PIGS: variants seen among roughly 807,000 people sequenced by gnomAD.
PIGS encodes GPI-anchor transamidase component PIGS.
PIGS carries 37 observed loss-of-function variants against 58.2 expected under a neutral mutation model. That is an observed-to-expected ratio of 0.64 (90% CI 0.49 to 0.84). The LOEUF (loss-of-function observed/expected upper bound fraction) is 0.84, where lower values mean the gene tolerates loss of function less well. PIGS is among the 40% of genes least tolerant of loss of function. The pLI is 0.00. For missense variants in PIGS, 629 were observed against 710.8 expected (o/e 0.88, Z 1.31); for synonymous variants, 269 against 289.2 (o/e 0.93, Z 0.71).
At chr17:28,555,209 G>A in intron 10 of PIGS, 148 bp from the exon 11 acceptor site, 2 of 700,110 alleles carry the variant, frequency 2.9e-6, no homozygotes, top group South Asian at 1.9e-5. Context: ...CAGGGTCTTG[G>A]GGGCATAAGG....
In PIGS at chr17:28,563,852, A is replaced by G; in HGVS notation, c.342T>C (p.His114=). The G allele has an allele frequency of 2.5e-6, 4 of 1,614,036 alleles. No homozygotes were observed. The highest frequency in any genetic ancestry group is 3.3e-4 in the Middle Eastern group (2 of 6,060). Residue 114 remains histidine, a synonymous_variant, in exon 4 of 12, where the codon CAT becomes CAC. Coordinates refer to ENST00000308360, the MANE Select transcript of PIGS (RefSeq NM_033198.4). Reference sequence around the variant, plus strand: ...TGCCCGATGACAGGGCCTCCTCCTCATGGTCCAAAGCCCTCCGATAGGCCT... The same window carrying G: ...TGCCCGATGACAGGGCCTCCTCCTCGTGGTCCAAAGCCCTCCGATAGGCCT... ...FQKAYRRALD[H]EEEALSSGSV...
At chr17:28,563,154 T>G (rs1438668316) in intron 5 of PIGS, among the ~76,000 whole-genome samples, 3 of 152,120 alleles carry the variant, frequency 2.0e-5, no homozygotes, top group South Asian at 4.1e-4. Flanking sequence ...AAAAATACAT[T>G]ACATGGCACA....
At chr17:28,558,626 A>G (rs1305048955) in intron 7 of PIGS, 36 bp from the exon 8 acceptor site, 1 of 1,471,470 alleles carries the variant, frequency 6.8e-7, no homozygotes, top group Non-Finnish European at 9.4e-7. Context: ...CTTTGTTTAG[A>G]TTTATATTCT....
intron 3 of PIGS, among the ~76,000 whole-genome samples, chr17:28,567,458 G>A (rs2070400726): frequency 6.6e-6 from 1 of 152,178 alleles, no homozygotes; most frequent in African/African-American, 2.4e-5. Flanking sequence ...GAAATGTATG[G>A]GGGTAGGGTG....
chr17:28,561,197 G>A (rs2070361945), intron 6 of PIGS, among the ~76,000 whole-genome samples: 1 of 152,072 alleles, frequency 6.6e-6, no homozygotes, highest in African/African-American at 2.4e-5. Context: ...GGCGGAGCTT[G>A]CAGTGAGCCG....
intron 1 of PIGS, 86 bp from the exon 2 acceptor site, chr17:28,571,274 G>T (rs1305973309): frequency 6.5e-7 from 1 of 1,543,394 alleles, no homozygotes; most frequent in African/African-American, 1.4e-5. Flanking sequence ...CCAACCACCG[G>T]CCTCCAGGGG....
intron 3 of PIGS, among the ~76,000 whole-genome samples, chr17:28,565,654 C>T (rs2070389681): frequency 6.6e-6 from 1 of 152,064 alleles, no homozygotes; most frequent in Non-Finnish European, 1.5e-5. Context: ...CTTTAGGGTC[C>T]GAGGTGGGAA....
At chr17:28,564,054 T>A in intron 3 of PIGS, 147 bp from the exon 4 acceptor site, 1 of 661,678 alleles carries the variant, frequency 1.5e-6, no homozygotes, top group Non-Finnish European at 2.6e-6. Flanking sequence ...CTCTAATGAT[T>A]TCTGCATAGA....
intron 9 of PIGS, 46 bp downstream of exon 9, chr17:28,556,781 T>C (rs2070331693): frequency 6.3e-7 from 1 of 1,581,028 alleles, no homozygotes; most frequent in Non-Finnish European, 8.6e-7. Context: ...GACACCTGCC[T>C]GTCCCAGAAG....
intron 4 of PIGS, 93 bp downstream of exon 4, chr17:28,563,725 G>A: frequency 1.4e-6 from 2 of 1,391,200 alleles, no homozygotes; most frequent in South Asian, 2.4e-5. Context: ...GAGAGGTTTT[G>A]GAAGTAAGCC....
At position 28,560,197 on chromosome 17, in the gene PIGS, G is replaced by A; in HGVS notation, c.677-6C>T. Reference sequence around the variant, plus strand: ...ACTGAAGGTGATCTCATAGCCTACAGAAACAGGAGTCAGGGAAGTCAGAGG... The same window carrying A: ...ACTGAAGGTGATCTCATAGCCTACAAAAACAGGAGTCAGGGAAGTCAGAGG... On this transcript the variant is annotated splice_region_variant and splice_polypyrimidine_tract_variant and intron_variant, in intron 6 of 11. Coordinates refer to ENST00000308360, the MANE Select transcript of PIGS (RefSeq NM_033198.4). 1.9e-6 allele frequency: 3 copies of A among 1,609,802 alleles called. No individual in the cohort carries two copies. The highest frequency in any genetic ancestry group is 1.7e-6 in the Non-Finnish European group (2 of 1,178,434).
intron 3 of PIGS, among the ~76,000 whole-genome samples, chr17:28,569,750 C>T (rs1375133800): frequency 6.6e-6 from 1 of 152,228 alleles, no homozygotes; most frequent in African/African-American, 2.4e-5. Context: ...CCATCTCTTA[C>T]TAGCTGTGTG....
chr17:28,565,808 C>T (rs2070390667), intron 3 of PIGS, among the ~76,000 whole-genome samples: 10 of 152,144 alleles, frequency 6.6e-5, no homozygotes, highest in Admixed American at 6.5e-4. Context: ...GACAGGCGGA[C>T]TGCTCGAGGC....
At chr17:28,563,337 G>T in intron 5 of PIGS, 94 bp downstream of exon 5, 1 of 1,114,922 alleles carries the variant, frequency 9.0e-7, no homozygotes, top group Non-Finnish European at 1.3e-6. Flanking sequence ...GTAGCAAATG[G>T]AAGAAATGGG....
In PIGS at chr17:28,571,480, GC is replaced by G; in HGVS notation, c.16del (p.Ala6LeufsTer6). On this transcript the variant is annotated frameshift_variant, in exon 1 of 12. Transcript: ENST00000308360. LOFTEE classifies it high-confidence loss of function. MAAAG[A>X]AATHLEVARG... is the part of the protein sequence containing the mutation. ...CACCGCACCTAGGTGTGTAGCCGCAGCCCCGGCGGCCGCCATGCTAGCTTCC... is the reference window on the plus strand; with the variant it reads ...CACCGCACCTAGGTGTGTAGCCGCAGCCCGGCGGCCGCCATGCTAGCTTCC... The G allele has an allele frequency of 3.1e-6, 5 of 1,608,202 alleles. No homozygotes were observed. Among genetic ancestry groups the G allele is most frequent in the Non-Finnish European group, 4.2e-6 (5 of 1,177,850 alleles).
Position 28,555,010 on chromosome 17 carries a change from T to C in PIGS, c.1233A>G (p.Ser411=). Residue 411 remains serine, a synonymous_variant, in exon 11 of 12, where the codon TCA becomes TCG. Coordinates refer to ENST00000308360, the MANE Select transcript of PIGS (RefSeq NM_033198.4). ...TCATTAGCCCTTCACTCGTAGGCCC[T>C]GAAAGCAGGCATTTTGGAGGCAGCT... ...QPQLPPKCLL[S]GPTSEGLMTW... 1.9e-6 allele frequency: 3 copies of C among 1,611,038 alleles called. No individual in the cohort carries two copies. Among genetic ancestry groups the C allele is most frequent in the Non-Finnish European group, 2.5e-6 (3 of 1,178,444 alleles).
At chr17:28,563,740 C>T in intron 4 of PIGS, 78 bp downstream of exon 4, 1 of 1,453,124 alleles carries the variant, frequency 6.9e-7, no homozygotes, top group Non-Finnish European at 9.6e-7. Context: ...TAAGCCAAAG[C>T]ATGGGAACTA....
chr17:28,558,919 A>G (rs2070346344), intron 7 of PIGS, among the ~76,000 whole-genome samples: 1 of 152,242 alleles, frequency 6.6e-6, no homozygotes, highest in African/African-American at 2.4e-5. Flanking sequence ...GGAAGACCTG[A>G]TAAAAATTTC....
intron 5 of PIGS, among the ~76,000 whole-genome samples, chr17:28,561,986 G>A (rs1438049293): frequency 6.6e-6 from 1 of 152,176 alleles, no homozygotes; most frequent in East Asian, 1.9e-4. Flanking sequence ...AAAGAAACAA[G>A]TATTCATAAT....
Sources: gnomAD v4.1 joint callset for allele counts (sites outside exome capture counted in the v4.1 genomes callset) on GRCh38, gnomAD v4.1.1 for gene constraint, MANE v1.5 for transcripts, NCBI Gene and HGNC (gene_info 2026-07-23, HGNC 2026-07-21) for gene names.